Variants in NEMP2 observed in about 807,000 individuals in gnomAD.
The protein encoded by NEMP2 is nuclear envelope integral membrane protein 2.
Under a neutral mutation model 54.2 loss-of-function variants are expected in NEMP2, and 53 were observed. The observed-to-expected ratio is 0.98, with a 90% confidence interval of 0.78 to 1.23. The LOEUF is 1.23. Ranked by LOEUF, NEMP2 falls within the 50% of genes most tolerant of loss-of-function variation. The probability of loss-of-function intolerance (pLI) is 0.00; values close to 1 mark genes in which losing one functional copy is unlikely to be tolerated. For missense variants in NEMP2, 455 were observed against 511.3 expected (o/e 0.89, Z 1.06); for synonymous variants, 197 against 190.3 (o/e 1.04, Z -0.29).
the NEMP2 span, among the ~76,000 whole-genome samples, chr2:190,471,597 A>C: frequency 6.6e-6 from 1 of 152,214 alleles, no homozygotes; most frequent in Non-Finnish European, 1.5e-5. The surrounding 1 kb of genome is among the most constrained non-coding windows in gnomAD (Gnocchi z 4.7). Context: ...GCGGCTGGGA[A>C]GCTTGAACTG....
chr2:190,483,106 A>C, the NEMP2 span, among the ~76,000 whole-genome samples: 1 of 150,966 alleles, frequency 6.6e-6, no homozygotes, highest in African/African-American at 2.4e-5. Flanking sequence ...GTTAGCCAGG[A>C]TGGTCTCGAT....
At chr2:190,468,619 ATTT>A in the NEMP2 span, among the ~76,000 whole-genome samples, 20 of 127,998 alleles carry the variant, frequency 1.6e-4, no homozygotes, top group Admixed American at 3.2e-4. Flanking sequence ...AGCCTGGCTA[ATTT>A]TTTTTTTTTT....
At position 190,523,994 on chromosome 2, in the gene NEMP2, G is replaced by A. The variant is rs369227256; in HGVS notation, c.213+1269C>T. Among the ~76,000 whole-genome samples the A allele has an allele frequency of 1.2e-4, 18 of 151,722 alleles. 2 individuals are homozygous for A. The highest frequency in any genetic ancestry group is 3.9e-4 in the African/African-American group (16 of 41,350). On this transcript the variant is annotated intron_variant, in intron 2 of 8. Coordinates refer to ENST00000409150, the MANE Select transcript of NEMP2 (RefSeq NM_001142645.2). This position sits in a 1 kb window ranked among gnomAD's most constrained non-coding sequence, Gnocchi z 5.3. ...GAGGCAGGCAGATTGCTTGAGTCCC[G>A]GAGTTCAGTAGACTCATGGGCAACA...
chr2:190,621,136 T>C, the NEMP2 span, among the ~76,000 whole-genome samples: 1 of 152,242 alleles, frequency 6.6e-6, no homozygotes, highest in Non-Finnish European at 1.5e-5. Flanking sequence ...AGTTGTTTAA[T>C]GATGGGATTA....
the NEMP2 span, among the ~76,000 whole-genome samples, chr2:190,480,891 A>G: frequency 6.6e-6 from 1 of 152,244 alleles, no homozygotes; most frequent in African/African-American, 2.4e-5. Flanking sequence ...ATAAATAAAT[A>G]TAAATCAGGA....
rs571194482 is a variant in NEMP2 at position 190,510,743 on chromosome 2, T to C, written c.954-206A>G. Reference sequence around the variant, plus strand: ...AAAAATATAAAAAATTAGCTGAGCATGGTGGTGGTCGCCTGTAGTCCCAGC... The same window carrying C: ...AAAAATATAAAAAATTAGCTGAGCACGGTGGTGGTCGCCTGTAGTCCCAGC... On this transcript the variant is annotated intron_variant, in intron 7 of 8. Transcript: ENST00000409150. The surrounding 1 kb of genome is among the most constrained non-coding windows in gnomAD (Gnocchi z 5.7). Among the ~76,000 whole-genome samples the C allele has an allele frequency of 6.6e-6, 1 of 152,122 alleles. No individual in the cohort carries two copies. The highest frequency in any genetic ancestry group is 2.1e-4 in the South Asian group (1 of 4,820).
the NEMP2 span, among the ~76,000 whole-genome samples, chr2:190,635,273 T>C: frequency 5.9e-5 from 9 of 152,192 alleles, no homozygotes; most frequent in African/African-American, 1.7e-4. This position sits in a 1 kb window ranked among gnomAD's most constrained non-coding sequence, Gnocchi z 4.1. Flanking sequence ...ATGGAGTGCA[T>C]TGGTGCAGTC....
At position 190,525,846 on chromosome 2, in the gene NEMP2, G is replaced by C. The variant is rs1039017906; in HGVS notation, c.98-468C>G. 3.9e-5 allele frequency among the ~76,000 whole-genome samples: 6 copies of C among 152,144 alleles called. No individual in the cohort carries two copies. Among genetic ancestry groups the C allele is most frequent in the African/African-American group, 1.4e-4 (6 of 41,422 alleles). Reference sequence around the variant, plus strand: ...GATTCTTATATTGGTAAGGGAGCATGGATGGAAGGTATAGGGATACAAGAA... The same window carrying C: ...GATTCTTATATTGGTAAGGGAGCATCGATGGAAGGTATAGGGATACAAGAA... On this transcript the variant is annotated intron_variant, in intron 1 of 8. Coordinates refer to ENST00000409150, the MANE Select transcript of NEMP2 (RefSeq NM_001142645.2). This position sits in a 1 kb window ranked among gnomAD's most constrained non-coding sequence, Gnocchi z 5.0.
chr2:190,516,818 C>T (rs143030944), intron 5 of NEMP2, among the ~76,000 whole-genome samples: 9 of 152,268 alleles, frequency 5.9e-5, no homozygotes, highest in Non-Finnish European at 1.0e-4. Context: ...TAGCCGGGCA[C>T]GGTGGCTCAC....
At chr2:190,619,131 G>C in the NEMP2 span, among the ~76,000 whole-genome samples, 1 of 152,060 alleles carries the variant, frequency 6.6e-6, no homozygotes, top group South Asian at 2.1e-4. This position sits in a 1 kb window ranked among gnomAD's most constrained non-coding sequence, Gnocchi z 5.5. Flanking sequence ...TATAATCCCA[G>C]TACTCGGGAG....
At chr2:190,643,556 G>A in the NEMP2 span, among the ~76,000 whole-genome samples, 35,653 of 152,126 alleles carry the variant, frequency 0.23, 4,271 homozygotes, top group Middle Eastern at 0.25. Context: ...ACCAGAGAAT[G>A]AAGTGAATAA....
At chr2:190,644,901 T>TA in the NEMP2 span, among the ~76,000 whole-genome samples, 4 of 151,602 alleles carry the variant, frequency 2.6e-5, no homozygotes, top group East Asian at 1.9e-4. This position sits in a 1 kb window ranked among gnomAD's most constrained non-coding sequence, Gnocchi z 4.4. Flanking sequence ...AAATAAAAGT[T>TA]AAAAAAAACA....
At chr2:190,559,259 G>A in the NEMP2 span, among the ~76,000 whole-genome samples, 1 of 152,172 alleles carries the variant, frequency 6.6e-6, no homozygotes, top group Non-Finnish European at 1.5e-5. This position sits in a 1 kb window ranked among gnomAD's most constrained non-coding sequence, Gnocchi z 4.0. Context: ...ATGTAAGTTT[G>A]GAAAGAAAGA....
chr2:190,612,866 T>C, the NEMP2 span, among the ~76,000 whole-genome samples: 1 of 152,218 alleles, frequency 6.6e-6, no homozygotes, highest in Non-Finnish European at 1.5e-5. Flanking sequence ...AAAAATTATT[T>C]ACCCTTTAAA....
the NEMP2 span, chr2:190,437,483 G>A: frequency 6.2e-7 from 1 of 1,614,180 alleles, no homozygotes; most frequent in Non-Finnish European, 8.5e-7. This position sits in a 1 kb window ranked among gnomAD's most constrained non-coding sequence, Gnocchi z 5.9. Context: ...TTTGGGGTCT[G>A]TTCAGTCCTG....
chr2:190,465,028 T>C, the NEMP2 span: 18 of 500,382 alleles, frequency 3.6e-5, no homozygotes, highest in Non-Finnish European at 4.2e-5. This position sits in a 1 kb window ranked among gnomAD's most constrained non-coding sequence, Gnocchi z 4.6. Flanking sequence ...TGTATCTATA[T>C]CTTGAACACT....
At chr2:190,472,750 T>A in the NEMP2 span, among the ~76,000 whole-genome samples, 10 of 151,986 alleles carry the variant, frequency 6.6e-5, no homozygotes, top group Admixed American at 2.6e-4. Context: ...ACAAAGATAC[T>A]CCTCGAGAAG....
the NEMP2 span, among the ~76,000 whole-genome samples, chr2:190,557,189 G>A: frequency 6.6e-6 from 1 of 152,138 alleles, no homozygotes; most frequent in Admixed American, 6.5e-5. Flanking sequence ...ACAACCATCT[G>A]ATCTTTGACA....
the NEMP2 span, among the ~76,000 whole-genome samples, chr2:190,552,653 G>A: frequency 7.9e-5 from 12 of 151,754 alleles, no homozygotes; most frequent in African/African-American, 2.7e-4. Flanking sequence ...CCAGGAGTTC[G>A]AGGCTACAGT....
Sources: allele counts gnomAD v4.1 joint callset (sites outside exome capture counted in the v4.1 genomes callset), GRCh38; gene constraint gnomAD v4.1.1; non-coding constraint Gnocchi (gnomAD v3.1); transcripts MANE v1.5; gene names NCBI Gene and HGNC (gene_info 2026-07-23, HGNC 2026-07-21).